The following C5 variants were observed in gnomAD, a reference collection of about 807,000 sequenced individuals.
The protein encoded by C5 is complement C5, also known as C3 and PZP-like alpha-2-macroglobulin domain-containing protein 4.
A neutral mutation model predicts 218.8 loss-of-function variants in C5; 140 were observed. The ratio of observed to expected loss-of-function variants is 0.64; its 90% CI spans 0.56 to 0.74. C5 has a LOEUF of 0.74. Ranked by LOEUF, C5 falls within the 30% of genes least tolerant of loss-of-function variation. The pLI, the probability that C5 is intolerant of heterozygous loss-of-function variation, is 0.00. For synonymous variants in C5, 614 were observed against 682.3 expected, an observed-to-expected ratio of 0.90 and a Z score of 1.56; for missense variants, 1,700 against 1,969.6, an observed-to-expected ratio of 0.86 and a Z score of 2.59.
the C5 span, chr9:121,074,764 A>C: frequency 2.2e-6 from 1 of 453,760 alleles, no homozygotes; most frequent in Non-Finnish European, 4.4e-6. Context: ...CTGCAACGCA[A>C]TCCGAAGGCG....
rs1236796289 is a variant in C5, at chr9:120,981,893, G to A, written c.3437C>T (p.Ala1146Val). 6.2e-7 allele frequency: 1 copy of A among 1,613,902 alleles called. No individual in the cohort carries two copies. Among genetic ancestry groups the A allele is most frequent in the Non-Finnish European group, 8.5e-7 (1 of 1,179,946 alleles). The stretch of plus-strand genomic sequence containing the variant: ...CTTTCTAATTCCAATCACAGTAAAG[G>A]CTGTAAGATATAAGCTGTTCTCTCG... ...EARENSLYLTAFTVIGIRKAF... is the reference protein window; with the variant it reads ...EARENSLYLTVFTVIGIRKAF... The change falls in exon 27 of 41, where the codon GCC (alanine) becomes GTC (valine). Residue 1146 changes from alanine to valine, a missense_variant. By Grantham distance (64) the Ala-to-Val change is moderately conservative. Coordinates refer to ENST00000223642, the MANE Select transcript of C5 (RefSeq NM_001735.3).
chr9:120,988,172 G>A (rs1236971000), intron 25 of C5, among the ~76,000 whole-genome samples: 4 of 152,184 alleles, frequency 2.6e-5, no homozygotes, highest in African/African-American at 9.7e-5. Context: ...AATTTTGGAA[G>A]ATATGTTTCA....
rs55649448 is a variant in C5, at chr9:120,962,721, A to G, written c.4454T>C (p.Val1485Ala). ...GAAAGTGGCAGGACTGAGAAACCCA[A>G]CTTCAAAGAGTTCAAATATCCGGAA... ...VRFRIFELFE[V>A]GFLSPATFTV... The change falls in exon 36 of 41, where the codon GTT becomes GCT. Residue 1485 changes from valine (V) to alanine (A), a missense_variant. Val to Ala is a moderately conservative substitution (Grantham distance 64). Coordinates refer to ENST00000223642, the MANE Select transcript of C5 (RefSeq NM_001735.3). 1.9e-6 allele frequency: 3 copies of G among 1,614,032 alleles called. No individual in the cohort carries two copies. The highest frequency in any genetic ancestry group is 2.2e-5 in the South Asian group (2 of 91,092).
At chr9:121,002,206 GTATATATACGTATATA>G (rs1301516457) in intron 20 of C5, among the ~76,000 whole-genome samples, 43 of 66,538 alleles carry the variant, frequency 6.5e-4, no homozygotes, top group African/African-American at 2.3e-3. Flanking sequence ...ACGTATATAT[GTATATATACGTATATA>G]TATATATGTA....
intron 36 of C5, among the ~76,000 whole-genome samples, 166 bp downstream of exon 36, chr9:120,962,505 A>G (rs1201723696): frequency 2.0e-5 from 3 of 152,228 alleles, no homozygotes; most frequent in Non-Finnish European, 4.4e-5. Context: ...GTTTATGTAC[A>G]ATATTTTGTA....
chr9:121,011,274 T>G (rs2047259799), intron 17 of C5, among the ~76,000 whole-genome samples: 1 of 152,156 alleles, frequency 6.6e-6, no homozygotes, highest in African/African-American at 2.4e-5. Flanking sequence ...CAAACAACTC[T>G]ACAGGAAAAA....
At chr9:120,999,561 A>T (rs1226998474) in intron 20 of C5, 2 of 200,286 alleles carry the variant, frequency 1.0e-5, no homozygotes, top group Non-Finnish European at 2.0e-5. Flanking sequence ...CATCCAGCTA[A>T]GGCTAAAAAT....
Position 120,952,656 on chromosome 9 carries a change from T to TA in C5, c.*82dup. 7.0e-7 allele frequency: 1 copy of TA among 1,436,340 alleles called. No homozygotes were observed. The highest frequency in any genetic ancestry group is 9.7e-7 in the Non-Finnish European group (1 of 1,030,374). 89.0% of individuals were successfully genotyped at this position (1,436,340 alleles called of 1,614,324 possible). The stretch of plus-strand genomic sequence containing the variant: ...ACAAATAAGACCAGCTATGAATGTT[T>TA]AAAAAAAGAAGAAAACAAAAAAACG... On this transcript the variant is annotated 3_prime_UTR_variant, in exon 41 of 41. Transcript: ENST00000223642.
intron 32 of C5, among the ~76,000 whole-genome samples, chr9:120,969,499 G>T (rs2046894567): frequency 1.3e-5 from 2 of 152,166 alleles, no homozygotes; most frequent in South Asian, 4.1e-4. Context: ...GAAAATATCA[G>T]GGCAGAGGCA....
intron 3 of C5, among the ~76,000 whole-genome samples, chr9:121,042,253 G>A (rs2047587907): frequency 6.6e-6 from 1 of 152,178 alleles, no homozygotes; most frequent in Non-Finnish European, 1.5e-5. Context: ...ATACTTTTCT[G>A]TGTTTTACTT....
In C5 at chr9:120,970,244, G is replaced by C; in HGVS notation, c.4088C>G (p.Thr1363Ser). 4 of 1,609,482 alleles carry C rather than the reference G, an allele frequency of 2.5e-6. No individual in the cohort carries two copies. Among genetic ancestry groups the C allele is most frequent in the Non-Finnish European group, 3.4e-6 (4 of 1,175,908 alleles). Residue 1363 changes from threonine (T) to serine (S), a missense_variant, in exon 32 of 41, where the codon ACT (threonine) becomes AGT (serine). Thr to Ser is a moderately conservative substitution (Grantham distance 58). Transcript: ENST00000223642. ...AGAGGTACTGGTTTTGTGAACTACA[G>C]TTGTTACCTACATTGGGGACAAGTA... ...GSGLATVHVT[T>S]VVHKTSTSEE... is the part of the protein sequence containing the mutation.
chr9:121,033,466 G>A (rs1350065496), intron 5 of C5, among the ~76,000 whole-genome samples: 1 of 152,240 alleles, frequency 6.6e-6, no homozygotes, highest in Non-Finnish European at 1.5e-5. Flanking sequence ...CTTATGAAGA[G>A]CCAGGTGAAG....
intron 30 of C5, among the ~76,000 whole-genome samples, chr9:120,972,424 G>A (rs561876822): frequency 2.6e-5 from 4 of 152,186 alleles, no homozygotes; most frequent in South Asian, 2.1e-4. Context: ...ACTTGAAAGC[G>A]GGTGCATCTA....
chr9:121,073,488 T>C, the C5 span, among the ~76,000 whole-genome samples: 1 of 151,896 alleles, frequency 6.6e-6, no homozygotes, highest in African/African-American at 2.4e-5. Context: ...AGATTCACTT[T>C]TATAATTATC....
chr9:121,048,672 A>AT (rs2047648520), intron 1 of C5, among the ~76,000 whole-genome samples: 1 of 152,190 alleles, frequency 6.6e-6, no homozygotes, highest in Non-Finnish European at 1.5e-5. Context: ...CTTTATAAAG[A>AT]TTTTGGTTCT....
chr9:121,033,729 A>C (rs1271560741), intron 5 of C5, among the ~76,000 whole-genome samples: 1 of 152,238 alleles, frequency 6.6e-6, no homozygotes, highest in Non-Finnish European at 1.5e-5. Flanking sequence ...TTTTTAGAAA[A>C]ATTTCAGTCA....
chr9:120,974,715 G>C, intron 30 of C5, 64 bp downstream of exon 30: 3 of 1,375,092 alleles, frequency 2.2e-6, no homozygotes, highest in Non-Finnish European at 3.1e-6. Flanking sequence ...AAAATAAAGA[G>C]TGGAACAGAT....
chr9:121,007,747 C>A (rs1587975364), intron 18 of C5, among the ~76,000 whole-genome samples: 1 of 152,180 alleles, frequency 6.6e-6, no homozygotes, highest in South Asian at 2.1e-4. Context: ...TTAATCCAAT[C>A]ACTGGTAGTG....
At chr9:121,006,793 T>A (rs544765584) in intron 19 of C5, 111 bp downstream of exon 19, 99 of 758,540 alleles carry the variant, frequency 1.3e-4, no homozygotes, top group Admixed American at 5.3e-4. Flanking sequence ...GAATATTTTT[T>A]AAAAATTGCT....
Sources: gnomAD v4.1 joint callset for allele counts (sites outside exome capture counted in the v4.1 genomes callset) on GRCh38, gnomAD v4.1.1 for gene constraint, MANE v1.5 for transcripts, NCBI Gene and HGNC (gene_info 2026-07-23, HGNC 2026-07-21) for gene names.